FBXL7: variants seen among roughly 807,000 people sequenced by gnomAD.
FBXL7 encodes the protein F-box/LRR-repeat protein 7.
A neutral mutation model predicts 38.3 loss-of-function variants in FBXL7; 12 were observed. The observed-to-expected ratio is 0.31, with a 90% CI of 0.20 to 0.51. The LOEUF is 0.51. Among genes scored for constraint, FBXL7 ranks in the 20% least tolerant of loss-of-function variants. FBXL7 has a pLI of 0.98. For missense variants in FBXL7, 567 were observed against 676.4 expected (o/e 0.84, Z 1.79); for synonymous variants, 297 against 300.9 (o/e 0.99, Z 0.13).
intron 1 of FBXL7, among the ~76,000 whole-genome samples, chr5:15,537,999 A>G (rs746966586): frequency 3.0e-4 from 46 of 152,188 alleles, no homozygotes; most frequent in Non-Finnish European, 5.7e-4. Context: ...ATAATCCAGA[A>G]AAGTGCCTTA....
At chr5:15,759,473 T>C (rs753555641) in intron 2 of FBXL7, among the ~76,000 whole-genome samples, 2 of 152,174 alleles carry the variant, frequency 1.3e-5, no homozygotes, top group African/African-American at 4.8e-5. Flanking sequence ...TAGTCCATGA[T>C]GTTGACAAAG....
intron 1 of FBXL7, among the ~76,000 whole-genome samples, chr5:15,606,057 G>C (rs935102066): frequency 3.9e-5 from 6 of 152,106 alleles, no homozygotes; most frequent in African/African-American, 1.4e-4. Flanking sequence ...AAAAGAAGAG[G>C]CTGATAAAAT....
At chr5:15,676,926 G>A (rs1742674742) in intron 2 of FBXL7, among the ~76,000 whole-genome samples, 1 of 152,166 alleles carries the variant, frequency 6.6e-6, no homozygotes, top group Non-Finnish European at 1.5e-5. Flanking sequence ...CTCCATACCT[G>A]CCATTTTATA....
chr5:15,678,837 G>A (rs1742746518), intron 2 of FBXL7, among the ~76,000 whole-genome samples: 1 of 152,174 alleles, frequency 6.6e-6, no homozygotes, highest in Non-Finnish European at 1.5e-5. Context: ...GGAACTGGGA[G>A]TCCATTAAAT....
rs145348724 is a variant in FBXL7 at position 15,850,273 on chromosome 5, A to C, written c.128-77617A>C. Among the ~76,000 whole-genome samples, 540 of 152,366 alleles carry C rather than the reference A, an allele frequency of 3.5e-3. 4 individuals carry two copies. The highest frequency in any genetic ancestry group is 0.013 in the African/African-American group (521 of 41,584). ...TGAAGCTTTGCATTGATAAGTTCCA[A>C]AGAAGATCACAAACGTGATTCCAGG... On this transcript the variant is annotated intron_variant, in intron 2 of 3. Transcript: ENST00000504595.
chr5:15,807,018 C>T (rs1489857934), intron 2 of FBXL7, among the ~76,000 whole-genome samples: 1 of 152,078 alleles, frequency 6.6e-6, no homozygotes, highest in East Asian at 1.9e-4. Context: ...ATGGCACAAT[C>T]TCAGCTTACT....
intron 2 of FBXL7, among the ~76,000 whole-genome samples, chr5:15,898,076 C>T (rs1382719186): frequency 6.6e-6 from 1 of 152,184 alleles, no homozygotes; most frequent in Admixed American, 6.5e-5. Context: ...CCCATGTTTT[C>T]CAAACTCATG....
intron 2 of FBXL7, among the ~76,000 whole-genome samples, chr5:15,699,307 G>A (rs532797058): frequency 2.0e-5 from 3 of 152,098 alleles, no homozygotes; most frequent in Non-Finnish European, 4.4e-5. Context: ...ATGAGCACAG[G>A]GCCAAGGTCC....
chr5:15,543,540 G>A (rs1276697722), intron 1 of FBXL7, among the ~76,000 whole-genome samples: 2 of 152,228 alleles, frequency 1.3e-5, no homozygotes, highest in East Asian at 3.9e-4. Flanking sequence ...GCTAGGCATG[G>A]GAATGGACAT....
intron 1 of FBXL7, among the ~76,000 whole-genome samples, chr5:15,600,192 C>T (rs2126492181): frequency 6.6e-6 from 1 of 152,338 alleles, no homozygotes; most frequent in East Asian, 1.9e-4. Context: ...TGCGTATCCT[C>T]TGTAGACTGG....
chr5:15,532,793 C>T (rs540534000), intron 1 of FBXL7, among the ~76,000 whole-genome samples: 9 of 152,322 alleles, frequency 5.9e-5, no homozygotes, highest in African/African-American at 9.6e-5. Context: ...TTCACATCAG[C>T]GCCATGAATC....
chr5:15,820,981 C>A (rs1014246680), intron 2 of FBXL7, among the ~76,000 whole-genome samples: 1 of 152,128 alleles, frequency 6.6e-6, no homozygotes, highest in Non-Finnish European at 1.5e-5. Context: ...TCATGGTCTG[C>A]GGTATTAAGT....
intron 2 of FBXL7, among the ~76,000 whole-genome samples, chr5:15,919,176 G>A (rs914229135): frequency 6.6e-6 from 1 of 152,190 alleles, no homozygotes; most frequent in Non-Finnish European, 1.5e-5. Context: ...TTGGTAATCA[G>A]AGGGGGAAGA....
chr5:15,922,503 G>A (rs949285629), intron 2 of FBXL7, among the ~76,000 whole-genome samples: 2 of 152,134 alleles, frequency 1.3e-5, no homozygotes, highest in African/African-American at 4.8e-5. Context: ...AGGGAAGGAA[G>A]GCGTTTAGGG....
At chr5:15,608,392 A>G (rs1740104558) in intron 1 of FBXL7, among the ~76,000 whole-genome samples, 1 of 152,172 alleles carries the variant, frequency 6.6e-6, no homozygotes. Context: ...GTGCTTGGAA[A>G]GTTTGAGAGA....
intron 2 of FBXL7, among the ~76,000 whole-genome samples, chr5:15,776,260 A>T (rs1057340613): frequency 6.6e-6 from 1 of 152,084 alleles, no homozygotes; most frequent in Non-Finnish European, 1.5e-5. Context: ...AATCATATAG[A>T]TGAGTATAGT....
rs189306051 is a variant in FBXL7 at position 15,517,938 on chromosome 5, C to T, written c.37+17225C>T. ...CTGCCCATGGGTAGACTAGCATTGG[C>T]GTCTTGCTGCTGACACAGGTTCAGT... On this transcript the variant is annotated intron_variant, in intron 1 of 3. Transcript: ENST00000504595. Among the ~76,000 whole-genome samples the T allele has an allele frequency of 1.0e-3, 158 of 152,246 alleles. 1 individual carries two copies. The highest frequency in any genetic ancestry group is 3.6e-3 in the African/African-American group (150 of 41,526).
intron 2 of FBXL7, among the ~76,000 whole-genome samples, chr5:15,771,770 A>ATT (rs35138853): frequency 9.7e-5 from 11 of 113,260 alleles, no homozygotes; most frequent in African/African-American, 1.3e-4. Context: ...GGATTAACAG[A>ATT]TTTTTTTTTT....
chr5:15,856,801 G>A (rs1288244936), intron 2 of FBXL7, among the ~76,000 whole-genome samples: 1 of 150,518 alleles, frequency 6.6e-6, no homozygotes, highest in Non-Finnish European at 1.5e-5. Flanking sequence ...TTTCCACTTG[G>A]CTGTTTACTT....
Sources: gnomAD v4.1 joint callset for allele counts (sites outside exome capture counted in the v4.1 genomes callset) on GRCh38, gnomAD v4.1.1 for gene constraint, MANE v1.5 for transcripts, NCBI Gene and HGNC (gene_info 2026-07-23, HGNC 2026-07-21) for gene names.